Variants in IL23A observed in about 807,000 individuals in gnomAD.
IL23A encodes the protein interleukin-23 subunit alpha.
A neutral mutation model predicts 20.7 loss-of-function variants in IL23A; 16 were observed. That is an observed-to-expected ratio of 0.77 (90% CI 0.52 to 1.17). The LOEUF (loss-of-function observed/expected upper bound fraction) is 1.17, where lower values mean the gene tolerates loss of function less well. Ranked by LOEUF, IL23A falls within the 50% of genes most tolerant of loss-of-function variation. The probability of loss-of-function intolerance (pLI) is 0.00; values close to 1 mark genes in which losing one functional copy is unlikely to be tolerated. For missense variants in IL23A, 175 were observed against 229.5 expected, an observed-to-expected ratio of 0.76 and a Z score of 1.53; for synonymous variants, 80 against 88.7, an observed-to-expected ratio of 0.90 and a Z score of 0.55.
Position 56,340,007 on chromosome 12 carries a change from G to A in IL23A, c.473G>A (p.Arg158His), listed in dbSNP as rs146998334. 63 of 1,614,152 alleles carry A rather than the reference G, an allele frequency of 3.9e-5. 1 individual carries two copies. In the Middle Eastern group the frequency reaches 4.9e-4, roughly 13 times the overall value. Residue 158 changes from arginine (R) to histidine (H), a missense_variant, in exon 4 of 4, where the codon CGT (arginine) becomes CAT (histidine). Coordinates refer to ENST00000228534, the MANE Select transcript of IL23A (RefSeq NM_016584.3). ...CTCAGTCCCAGCCAGCCATGGCAGCGTCTCCTTCTCCGCTTCAAAATCCTT... is the reference window on the plus strand; with the variant it reads ...CTCAGTCCCAGCCAGCCATGGCAGCATCTCCTTCTCCGCTTCAAAATCCTT... ...PSLSPSQPWQRLLLRFKILRS... is the reference protein window; with the variant it reads ...PSLSPSQPWQHLLLRFKILRS...
Position 56,339,670 on chromosome 12 carries a change from AT to A in IL23A, c.262-19del, listed in dbSNP as rs763062396. ...GAGTAGGAAGAGGGTGTCCTCTTTC[AT>A]TGCTTTCTTTTCTCCCTAGTTCTGC... is the stretch of plus-strand genomic sequence containing the variant. On this transcript the variant is annotated intron_variant, in intron 2 of 3. Coordinates refer to ENST00000228534, the MANE Select transcript of IL23A (RefSeq NM_016584.3). 6.2e-7 allele frequency: 1 copy of A among 1,611,192 alleles called. No homozygotes were observed. Among genetic ancestry groups the A allele is most frequent in the South Asian group, 1.1e-5 (1 of 90,872 alleles).
intron 2 of IL23A, 34 bp downstream of exon 2, chr12:56,339,558 AGG>A: frequency 6.3e-7 from 1 of 1,586,604 alleles, no homozygotes; most frequent in Non-Finnish European, 8.7e-7. Flanking sequence ...AATGAAGGAG[AGG>A]GGACTGAGAA....
In IL23A at chr12:56,339,009, C is replaced by T. The variant is rs199897292; in HGVS notation, c.-36C>T. 19 of 1,357,900 alleles carry T rather than the reference C, an allele frequency of 1.4e-5. No individual in the cohort carries two copies. Among genetic ancestry groups the T allele is most frequent in the Middle Eastern group, 2.0e-4 (1 of 5,048 alleles). The allele number at this position is 1,357,900 out of a possible 1,614,324, so 84.1% of individuals were successfully genotyped here. ...AGATTCCACCAGGACTGGTGCAAGG[C>T]GCAGAGCCAGCCAGATTTGAGAAGA... On this transcript the variant is annotated 5_prime_UTR_variant, in exon 1 of 4. Transcript: ENST00000228534.
chr12:56,339,611 A>T, intron 2 of IL23A, 80 bp from the exon 3 acceptor site: 3 of 1,602,160 alleles, frequency 1.9e-6, no homozygotes, highest in Non-Finnish European at 2.6e-6. Context: ...TGTGTCTGAA[A>T]ATAGTAAGAA....
chr12:56,339,704 G>A lies in IL23A; in HGVS notation c.275G>A (p.Arg92Lys). Residue 92 changes from arginine (R) to lysine (K), a missense_variant, in exon 3 of 4, where the codon AGG becomes AAG. By Grantham distance (26) the Arg-to-Lys change is conservative (BLOSUM62 2). Transcript: ENST00000228534. ...LRDNSQFCLQRIHQGLIFYEK... is the reference protein window; with the variant it reads ...LRDNSQFCLQKIHQGLIFYEK... The stretch of plus-strand genomic sequence containing the variant: ...TTTTCTCCCTAGTTCTGCTTGCAAA[G>A]GATCCACCAGGGTCTGATTTTTTAT... 2 of 1,613,824 alleles carry A rather than the reference G, an allele frequency of 1.2e-6. No homozygotes were observed. The highest frequency in any genetic ancestry group is 1.7e-6 in the Non-Finnish European group (2 of 1,179,892).
At position 56,340,244 on chromosome 12, in the gene IL23A, A is replaced by C; in HGVS notation, c.*140A>C. 1.3e-6 allele frequency: 1 copy of C among 784,048 alleles called. No individual in the cohort carries two copies. Among genetic ancestry groups the C allele is most frequent in the Non-Finnish European group, 2.0e-6 (1 of 501,046 alleles). 48.6% of individuals were successfully genotyped at this position (784,048 alleles called of 1,614,324 possible). Reference sequence around the variant, plus strand: ...GACCTGCATATGTTGAAAATTACCAATACTGACTGACATGTGATGCTGACC... The same window carrying C: ...GACCTGCATATGTTGAAAATTACCACTACTGACTGACATGTGATGCTGACC... On this transcript the variant is annotated 3_prime_UTR_variant, in exon 4 of 4. Coordinates refer to ENST00000228534, the MANE Select transcript of IL23A (RefSeq NM_016584.3).
At chr12:56,339,305 T>C in intron 1 of IL23A, 99 bp downstream of exon 1, 1 of 1,409,508 alleles carries the variant, frequency 7.1e-7, no homozygotes, top group Non-Finnish European at 9.8e-7. Flanking sequence ...TGAAGGCCAT[T>C]AGGGAGTAAG....
chr12:56,338,946 CAG>C lies in IL23A; in HGVS notation c.-93_-92del, dbSNP rs1180992239. The stretch of plus-strand genomic sequence containing the variant: ...GGAACCAAACCAGAGACGCGCTGAA[CAG>C]AGAGAATCAGGCTCAAAGCAAGTGG... On this transcript the variant is annotated 5_prime_UTR_variant, in exon 1 of 4. Coordinates refer to ENST00000228534, the MANE Select transcript of IL23A (RefSeq NM_016584.3). 9.8e-7 allele frequency: 1 copy of C among 1,024,728 alleles called. No individual in the cohort carries two copies. The highest frequency in any genetic ancestry group is 1.3e-6 in the Non-Finnish European group (1 of 766,528). The allele number at this position is 1,024,728 out of a possible 1,614,324, so 63.5% of individuals were successfully genotyped here.
chr12:56,339,770 C>G lies in IL23A; in HGVS notation c.341C>G (p.Ser114Cys). ...LGSDIFTGEP[S>C]LLPDSPVGQL... The stretch of plus-strand genomic sequence containing the variant: ...TCGGATATTTTCACAGGGGAGCCTT[C>G]TCTGCTCCCTGATAGCCCTGTGGGC... Residue 114 changes from serine to cysteine, a missense_variant, in exon 3 of 4, where the codon TCT becomes TGT. Ser to Cys is a moderately radical substitution (Grantham distance 112). Transcript: ENST00000228534. The G allele has an allele frequency of 6.2e-7, 1 of 1,613,972 alleles. No homozygotes were observed. The highest frequency in any genetic ancestry group is 8.5e-7 in the Non-Finnish European group (1 of 1,179,882).
chr12:56,340,077 C>T lies in IL23A; in HGVS notation c.543C>T (p.Ala181=), dbSNP rs1419550535. 2.5e-6 allele frequency: 4 copies of T among 1,614,056 alleles called. No homozygotes were observed. Among genetic ancestry groups the T allele is most frequent in the Non-Finnish European group, 3.4e-6 (4 of 1,180,046 alleles). The change falls in exon 4 of 4, where the codon GCC becomes GCT. Residue 181 remains alanine (A), a synonymous_variant. Transcript: ENST00000228534. ...AFVAVAARVF[A]HGAATLSP ...TGGCTGTAGCCGCCCGGGTCTTTGC[C>T]CATGGAGCAGCAACCCTGAGTCCCT... is the stretch of plus-strand genomic sequence containing the variant.
Position 56,339,417 on chromosome 12 carries a change from T to G in IL23A, c.163-9T>G. 1 of 1,587,506 alleles carries G rather than the reference T, an allele frequency of 6.3e-7. No individual in the cohort carries two copies. The highest frequency in any genetic ancestry group is 8.7e-7 in the Non-Finnish European group (1 of 1,155,820). On this transcript the variant is annotated splice_polypyrimidine_tract_variant and intron_variant, in intron 1 of 3. Coordinates refer to ENST00000228534, the MANE Select transcript of IL23A (RefSeq NM_016584.3). ...TTCTTCATTCTTTCCACCTCTTCCT[T>G]CATTCCAGGATCTAAGAGAAGAGGG...
Position 56,339,836 on chromosome 12 carries a change from A to G in IL23A, c.407A>G (p.Gln136Arg), listed in dbSNP as rs1265234261. Residue 136 changes from glutamine to arginine, a missense_variant and splice_region_variant, in exon 3 of 4, where the codon CAG becomes CGG. By Grantham distance (43) the Gln-to-Arg change is conservative (BLOSUM62 1). Coordinates refer to ENST00000228534, the MANE Select transcript of IL23A (RefSeq NM_016584.3). ...CTACTGGGCCTCAGCCAACTCCTGC[A>G]GGTATGAAGTAGGGGCGTGGAGGAT... is the stretch of plus-strand genomic sequence containing the variant. ...ASLLGLSQLL[Q>R]PEGHHWETQQ... 1 of 1,612,562 alleles carries G rather than the reference A, an allele frequency of 6.2e-7. No homozygotes were observed.
At position 56,340,311 on chromosome 12, in the gene IL23A, G is replaced by A. The variant is rs973770107; in HGVS notation, c.*207G>A. The A allele has an allele frequency of 1.8e-6, 1 of 548,784 alleles. No homozygotes were observed. Among genetic ancestry groups the A allele is most frequent in the Admixed American group, 3.5e-5 (1 of 28,498 alleles). The allele number at this position is 548,784 out of a possible 1,614,324, so 34.0% of individuals were successfully genotyped here. A position where few individuals can be genotyped will look rare whatever the true frequency, so the allele number is the denominator to read the frequency against. ...ATTTATTAGATGGGAAGGGAAATTT[G>A]GGGATTATTTATCCTCCTGGGGACA... On this transcript the variant is annotated 3_prime_UTR_variant, in exon 4 of 4. Transcript: ENST00000228534.
Position 56,339,118 on chromosome 12 carries a change from G to A in IL23A, c.74G>A (p.Gly25Asp), listed in dbSNP as rs1876395700. The change falls in exon 1 of 4, where the codon GGC becomes GAC. Residue 25 changes from glycine (G) to aspartate (D), a missense_variant. Physicochemically the swap from Gly to Asp is moderately conservative, Grantham distance 94. Coordinates refer to ENST00000228534, the MANE Select transcript of IL23A (RefSeq NM_016584.3). Reference protein sequence around the residue: ...WTAQGRAVPGGSSPAWTQCQQ... With the variant: ...WTAQGRAVPGDSSPAWTQCQQ... ...GCTCAGGGCAGAGCTGTGCCTGGGG[G>A]CAGCAGCCCTGCCTGGACTCAGTGC... 6.3e-7 allele frequency: 1 copy of A among 1,580,318 alleles called. No homozygotes were observed. Among genetic ancestry groups the A allele is most frequent in the Non-Finnish European group, 8.6e-7 (1 of 1,159,038 alleles).
intron 1 of IL23A, 72 bp from the exon 2 acceptor site, chr12:56,339,354 C>A: frequency 7.2e-7 from 1 of 1,381,668 alleles, no homozygotes; most frequent in Non-Finnish European, 1.0e-6. Flanking sequence ...GAGTCATGGG[C>A]CTGAGGGTCC....
At position 56,339,813 on chromosome 12, in the gene IL23A, A is replaced by G; in HGVS notation, c.384A>G (p.Leu128=). ...DSPVGQLHAS[L]LGLSQLLQPE... ...CTGTGGGCCAGCTTCATGCCTCCCT[A>G]CTGGGCCTCAGCCAACTCCTGCAGG... is the stretch of plus-strand genomic sequence containing the variant. Residue 128 remains leucine (L), a synonymous_variant, in exon 3 of 4, where the codon CTA becomes CTG. Transcript: ENST00000228534. The G allele has an allele frequency of 1.2e-6, 2 of 1,613,298 alleles. No homozygotes were observed. The highest frequency in any genetic ancestry group is 2.2e-5 in the East Asian group (1 of 44,862).
chr12:56,339,129 G>A lies in IL23A; in HGVS notation c.85G>A (p.Ala29Thr). ...GRAVPGGSSP[A>T]WTQCQQLSQK... The stretch of plus-strand genomic sequence containing the variant: ...AGCTGTGCCTGGGGGCAGCAGCCCT[G>A]CCTGGACTCAGTGCCAGCAGCTTTC... Residue 29 changes from alanine (A) to threonine (T), a missense_variant, in exon 1 of 4, where the codon GCC (alanine) becomes ACC (threonine). Ala to Thr is a moderately conservative substitution (Grantham distance 58, BLOSUM62 0). Transcript: ENST00000228534. The A allele has an allele frequency of 1.3e-6, 2 of 1,587,666 alleles. No homozygotes were observed. The highest frequency in any genetic ancestry group is 2.3e-5 in the East Asian group (1 of 44,396).
chr12:56,339,195 G>A lies in IL23A; in HGVS notation c.151G>A (p.Val51Met). 1.3e-6 allele frequency: 2 copies of A among 1,538,604 alleles called. No homozygotes were observed. The highest frequency in any genetic ancestry group is 1.8e-6 in the Non-Finnish European group (2 of 1,142,454). Residue 51 changes from valine to methionine, a missense_variant, in exon 1 of 4, where the codon GTG (valine) becomes ATG (methionine). Physicochemically the swap from Val to Met is conservative, Grantham distance 21. Coordinates refer to ENST00000228534, the MANE Select transcript of IL23A (RefSeq NM_016584.3). Reference protein sequence around the residue: ...CTLAWSAHPLVGHMDLREEGD... With the variant: ...CTLAWSAHPLMGHMDLREEGD... ...ACTGGCCTGGAGTGCACATCCACTA[G>A]TGGGACACATGGTGAGTGGCAGCCC...
chr12:56,339,782 A>G lies in IL23A; in HGVS notation c.353A>G (p.Asp118Gly). 6.2e-7 allele frequency: 1 copy of G among 1,614,020 alleles called. No homozygotes were observed. Among genetic ancestry groups the G allele is most frequent in the South Asian group, 1.1e-5 (1 of 91,082 alleles). ...IFTGEPSLLPDSPVGQLHASL... is the reference protein window; with the variant it reads ...IFTGEPSLLPGSPVGQLHASL... ...ACAGGGGAGCCTTCTCTGCTCCCTG[A>G]TAGCCCTGTGGGCCAGCTTCATGCC... Residue 118 changes from aspartate (D) to glycine (G), a missense_variant, in exon 3 of 4, where the codon GAT (aspartate) becomes GGT (glycine). Coordinates refer to ENST00000228534, the MANE Select transcript of IL23A (RefSeq NM_016584.3).
Sources: gnomAD v4.1 joint callset for allele counts on GRCh38, gnomAD v4.1.1 for gene constraint, MANE v1.5 for transcripts, NCBI Gene and HGNC (gene_info 2026-07-23, HGNC 2026-07-21) for gene names.